Variants in CACNB2 observed in about 807,000 individuals in gnomAD.
The protein encoded by CACNB2 is voltage-dependent L-type calcium channel subunit beta-2.
Under a neutral mutation model 73.3 loss-of-function variants are expected in CACNB2, and 42 were observed. The ratio of observed to expected loss-of-function variants is 0.57; its 90% CI spans 0.45 to 0.74. The LOEUF is 0.74. Among genes scored for constraint, CACNB2 ranks in the 30% least tolerant of loss-of-function variants. CACNB2 has a pLI of 0.00. For missense variants in CACNB2, 940 were observed against 853.0 expected (o/e 1.10, Z -1.27); for synonymous variants, 348 against 310.3 (o/e 1.12, Z -1.28).
chr10:18,388,354 T>C (rs2132428900), intron 2 of CACNB2, among the ~76,000 whole-genome samples: 1 of 152,298 alleles, frequency 6.6e-6, no homozygotes, highest in East Asian at 1.9e-4. Context: ...TAATCTAAAA[T>C]TTACAGCCTT....
intron 3 of CACNB2, among the ~76,000 whole-genome samples, chr10:18,463,073 G>T (rs759371539): frequency 4.6e-5 from 7 of 152,020 alleles, no homozygotes; most frequent in Non-Finnish European, 7.4e-5. Flanking sequence ...TTCATTTATT[G>T]ACCTCACTTC....
chr10:18,472,159 A>G (rs189740681), intron 3 of CACNB2, among the ~76,000 whole-genome samples: 8 of 149,444 alleles, frequency 5.4e-5, no homozygotes, highest in African/African-American at 2.0e-4. Context: ...CCCATGGTTG[A>G]CTAGCTGAAG....
At chr10:18,208,393 G>T (rs375570202) in intron 2 of CACNB2, among the ~76,000 whole-genome samples, 1 of 152,132 alleles carries the variant, frequency 6.6e-6, no homozygotes, top group African/African-American at 2.4e-5. Context: ...TGGAAGGATC[G>T]CTTGAGCCTG....
intron 2 of CACNB2, among the ~76,000 whole-genome samples, chr10:18,366,491 G>A (rs1483526758): frequency 2.0e-5 from 3 of 146,570 alleles, no homozygotes; most frequent in East Asian, 4.2e-4. Flanking sequence ...AAATTATCCT[G>A]GCCCAGCACT....
chr10:18,366,877 A>AT (rs112873694), intron 2 of CACNB2, among the ~76,000 whole-genome samples: 8,191 of 152,168 alleles, frequency 0.054, 271 homozygotes, highest in African/African-American at 0.086. Flanking sequence ...ACAAATAGTC[A>AT]TTTTTTGTCT....
At chr10:18,402,371 G>A (rs527863348) in intron 3 of CACNB2, among the ~76,000 whole-genome samples, 1 of 126,548 alleles carries the variant, frequency 7.9e-6, no homozygotes, top group African/African-American at 3.2e-5. Flanking sequence ...CATTTCCACA[G>A]TAAACTATAT....
chr10:18,190,425 G>C (rs971155533), intron 2 of CACNB2, among the ~76,000 whole-genome samples: 1 of 152,152 alleles, frequency 6.6e-6, no homozygotes, highest in Non-Finnish European at 1.5e-5. Context: ...TGACCCTTCT[G>C]TGTAAGAAGA....
chr10:18,230,330 C>A (rs1484425006), intron 2 of CACNB2, among the ~76,000 whole-genome samples: 2 of 152,214 alleles, frequency 1.3e-5, no homozygotes, highest in African/African-American at 4.8e-5. Context: ...TGAACCCTCT[C>A]TTCTACAGAA....
chr10:18,533,986 C>G (rs1286227111), intron 10 of CACNB2, 90 bp from the exon 11 acceptor site: 11 of 1,220,082 alleles, frequency 9.0e-6, no homozygotes, highest in Non-Finnish European at 1.2e-5. Flanking sequence ...TAATGGCTGA[C>G]CTACTCACCT....
chr10:18,361,561 T>C (rs1242483038), intron 2 of CACNB2, among the ~76,000 whole-genome samples: 2 of 149,762 alleles, frequency 1.3e-5, no homozygotes, highest in Non-Finnish European at 3.0e-5. Flanking sequence ...TTGCTTATCA[T>C]ACATTTCTCC....
intron 3 of CACNB2, among the ~76,000 whole-genome samples, chr10:18,412,075 C>G (rs562863277): frequency 6.6e-6 from 1 of 152,150 alleles, no homozygotes; most frequent in Non-Finnish European, 1.5e-5. Flanking sequence ...GCATGTGTGT[C>G]TCGTTCTCTT....
intron 3 of CACNB2, among the ~76,000 whole-genome samples, chr10:18,443,824 C>T (rs2046599244): frequency 6.6e-6 from 1 of 151,708 alleles, no homozygotes; most frequent in South Asian, 2.1e-4. Flanking sequence ...AAGAGATTCT[C>T]CTGCCTCAGC....
chr10:18,522,354 C>A (rs572859869), intron 9 of CACNB2, among the ~76,000 whole-genome samples: 2 of 152,264 alleles, frequency 1.3e-5, no homozygotes, highest in South Asian at 4.1e-4. Flanking sequence ...TCCTACCAAA[C>A]CGGTCCACGG....
intron 3 of CACNB2, among the ~76,000 whole-genome samples, chr10:18,497,662 C>T (rs927154082): frequency 1.1e-4 from 17 of 152,090 alleles, no homozygotes; most frequent in African/African-American, 4.1e-4. Context: ...TAGGGTCAAG[C>T]AATCCTCTTG....
chr10:18,174,982 T>G (rs2033494020), intron 2 of CACNB2, among the ~76,000 whole-genome samples: 1 of 152,190 alleles, frequency 6.6e-6, no homozygotes, highest in Non-Finnish European at 1.5e-5. Flanking sequence ...AACATAACAA[T>G]CATTTATAAA....
chr10:18,385,290 A>G (rs1169358326), intron 2 of CACNB2, among the ~76,000 whole-genome samples: 2 of 151,286 alleles, frequency 1.3e-5, no homozygotes, highest in African/African-American at 2.4e-5. Context: ...GAAGGAAAAA[A>G]AAAACGGTTG....
intron 2 of CACNB2, among the ~76,000 whole-genome samples, chr10:18,154,237 G>C (rs1311373358): frequency 6.7e-6 from 1 of 149,004 alleles, no homozygotes; most frequent in African/African-American, 2.5e-5. Context: ...AGATTTAAAA[G>C]TTTTAGAGGT....
At chr10:18,523,814 TC>T (rs1417022103) in intron 9 of CACNB2, among the ~76,000 whole-genome samples, 1 of 152,204 alleles carries the variant, frequency 6.6e-6, no homozygotes, top group African/African-American at 2.4e-5. Context: ...TCCTTAATCA[TC>T]TATTAAATAA....
chr10:18,479,274 C>T (rs1309201887), intron 3 of CACNB2, among the ~76,000 whole-genome samples: 12 of 151,976 alleles, frequency 7.9e-5, no homozygotes, highest in Admixed American at 4.6e-4. Context: ...GACACCCATT[C>T]CCTGAATTCT....
Sources: gnomAD v4.1 joint callset for allele counts (sites outside exome capture counted in the v4.1 genomes callset) on GRCh38, gnomAD v4.1.1 for gene constraint, MANE v1.5 for transcripts, NCBI Gene and HGNC (gene_info 2026-07-23, HGNC 2026-07-21) for gene names.